The following RRN3 variants were observed in gnomAD, a reference collection of about 807,000 sequenced individuals.
The protein encoded by RRN3 is RNA polymerase I transcription factor RRN3, also known as RNA polymerase I-specific transcription initiation factor RRN3.
In RRN3, 38 loss-of-function variants were observed where a neutral mutation model predicts 82.3. The ratio of observed to expected loss-of-function variants is 0.46; its 90% CI spans 0.36 to 0.61. RRN3 has a LOEUF of 0.61. Ranked by LOEUF, RRN3 falls within the 20% of genes least tolerant of loss-of-function variation. RRN3 has a pLI of 0.00. For missense variants in RRN3, 726 were observed against 793.1 expected, an observed-to-expected ratio of 0.92 and a Z score of 1.02; for synonymous variants, 284 against 284.3, an observed-to-expected ratio of 1.00 and a Z score of 0.01.
rs185898520 is a variant in RRN3 at position 15,060,419 on chromosome 16, A to C, written c.*1325T>G. On this transcript the variant is annotated 3_prime_UTR_variant, in exon 18 of 18. Transcript: ENST00000198767. Reference sequence around the variant, plus strand: ...GAAATTCAAACTCTACATTGCCATCAATGTAATTATACAAGTGCATACAAA... The same window carrying C: ...GAAATTCAAACTCTACATTGCCATCCATGTAATTATACAAGTGCATACAAA... 193 of 177,740 alleles carry C rather than the reference A, an allele frequency of 1.1e-3. No homozygotes were observed. The highest frequency in any genetic ancestry group is 4.4e-3 in the African/African-American group (186 of 42,026). The allele number at this position is 177,740 out of a possible 1,614,324, so 11.0% of individuals were successfully genotyped here.
chr16:15,071,114 T>G lies in RRN3; in HGVS notation c.1259+7A>C. On this transcript the variant is annotated splice_region_variant and intron_variant, in intron 13 of 17. Coordinates refer to ENST00000198767, the MANE Select transcript of RRN3 (RefSeq NM_018427.5). The stretch of plus-strand genomic sequence containing the variant: ...TTAAAAAGTATTCGGAAAATTAGGC[T>G]ACTTACATAAGAGGAATAAATTTAG... The G allele has an allele frequency of 6.3e-7, 1 of 1,597,224 alleles. No individual in the cohort carries two copies. The highest frequency in any genetic ancestry group is 8.5e-7 in the Non-Finnish European group (1 of 1,173,804).
chr16:15,088,112 G>A (rs547816727), intron 3 of RRN3, among the ~76,000 whole-genome samples: 17 of 150,996 alleles, frequency 1.1e-4, no homozygotes, highest in South Asian at 8.3e-4. Context: ...GCAAAACTCC[G>A]TCTCAAAAAG....
In RRN3 at chr16:15,071,322, A is replaced by G. The variant is rs557444643; in HGVS notation, c.1129-71T>C. On this transcript the variant is annotated intron_variant, in intron 12 of 17. Coordinates refer to ENST00000198767, the MANE Select transcript of RRN3 (RefSeq NM_018427.5). ...ATAATCTGGCTATCAAAATCCCAAG[A>G]TTTTTACTTCACCAATGTAGGGAAA... is the stretch of plus-strand genomic sequence containing the variant. 9.9e-5 allele frequency: 142 copies of G among 1,431,164 alleles called. 1 individual carries two copies. The East Asian group carries it at 3.2e-3, about 32-fold the overall frequency. 88.7% of individuals were successfully genotyped at this position (1,431,164 alleles called of 1,614,324 possible).
intron 14 of RRN3, 139 bp from the exon 15 acceptor site, chr16:15,068,416 C>G: frequency 9.0e-7 from 1 of 1,116,824 alleles, no homozygotes; most frequent in Non-Finnish European, 1.2e-6. Flanking sequence ...AATAAAGGTC[C>G]ATGCAGATAG....
chr16:15,060,410 A>G lies in RRN3; in HGVS notation c.*1334T>C, dbSNP rs2044669487. 5.4e-6 allele frequency: 1 copy of G among 184,226 alleles called. No homozygotes were observed. Among genetic ancestry groups the G allele is most frequent in the African/African-American group, 2.4e-5 (1 of 42,022 alleles). 11.4% of individuals were successfully genotyped at this position (184,226 alleles called of 1,614,324 possible). On this transcript the variant is annotated 3_prime_UTR_variant, in exon 18 of 18. Coordinates refer to ENST00000198767, the MANE Select transcript of RRN3 (RefSeq NM_018427.5). Reference sequence around the variant, plus strand: ...TTACAGACTGAAATTCAAACTCTACATTGCCATCAATGTAATTATACAAGT... The same window carrying G: ...TTACAGACTGAAATTCAAACTCTACGTTGCCATCAATGTAATTATACAAGT...
chr16:15,064,741 C>T (rs2044883368), intron 16 of RRN3, among the ~76,000 whole-genome samples: 1 of 152,260 alleles, frequency 6.6e-6, no homozygotes, highest in Admixed American at 6.5e-5. Flanking sequence ...TCCTGCTAGG[C>T]ATCCTCTACT....
intron 3 of RRN3, among the ~76,000 whole-genome samples, chr16:15,086,731 C>T (rs1252000043): frequency 6.6e-6 from 1 of 152,186 alleles, no homozygotes; most frequent in Non-Finnish European, 1.5e-5. Flanking sequence ...AAAGCGAAAT[C>T]ACCTCAAATG....
At chr16:15,091,500 C>T (rs994249534) in intron 2 of RRN3, 129 bp from the exon 3 acceptor site, 44 of 663,260 alleles carry the variant, frequency 6.6e-5, no homozygotes, top group African/African-American at 5.0e-4. Context: ...ATGTCAATTG[C>T]GGATTATAAA....
intron 16 of RRN3, among the ~76,000 whole-genome samples, chr16:15,064,050 T>C (rs576163044): frequency 6.6e-6 from 1 of 152,360 alleles, no homozygotes; most frequent in African/African-American, 2.4e-5. Flanking sequence ...CAGATGGTCA[T>C]GATGCTGCTA....
At chr16:15,062,677 T>C (rs1046256087) in intron 17 of RRN3, among the ~76,000 whole-genome samples, 2 of 152,104 alleles carry the variant, frequency 1.3e-5, no homozygotes, top group Non-Finnish European at 2.9e-5. Context: ...TGTTACTTGG[T>C]AAGAATGCGC....
Position 15,091,182 on chromosome 16 carries a change from G to A in RRN3, c.252+133C>T. On this transcript the variant is annotated intron_variant, in intron 3 of 17. Transcript: ENST00000198767. ...AGGGGGTAAAACTGTCCCTGGTTGA[G>A]AACCACCAGATTAAAATAAGGGAGG... 3.1e-6 allele frequency: 3 copies of A among 979,968 alleles called. No individual in the cohort carries two copies. In the South Asian group the frequency reaches 5.2e-5, roughly 17 times the overall value. 60.7% of individuals were successfully genotyped at this position (979,968 alleles called of 1,614,324 possible). A position where few individuals can be genotyped will look rare whatever the true frequency, so the allele number is the denominator to read the frequency against.
chr16:15,086,339 T>G (rs527384490), intron 4 of RRN3, 26 bp downstream of exon 4: 80 of 1,613,016 alleles, frequency 5.0e-5, no homozygotes, highest in East Asian at 2.0e-4. Context: ...TTACATACTT[T>G]ACAGTAAAAT....
At position 15,060,673 on chromosome 16, in the gene RRN3, T is replaced by A. The variant is rs1211343189; in HGVS notation, c.*1071A>T. ...AGCGAGGTCTTCTGAAGACTTCCTC[T>A]GTTTAGTTATAAAAATACAAAAAGA... On this transcript the variant is annotated 3_prime_UTR_variant, in exon 18 of 18. Transcript: ENST00000198767. 6.6e-6 allele frequency: 1 copy of A among 152,400 alleles called. No individual in the cohort carries two copies. The highest frequency in any genetic ancestry group is 2.4e-5 in the African/African-American group (1 of 41,464). The allele number at this position is 152,400 out of a possible 1,614,324, so 9.4% of individuals were successfully genotyped here.
chr16:15,075,250 CA>C (rs56913254), intron 10 of RRN3, among the ~76,000 whole-genome samples: 290 of 68,032 alleles, frequency 4.3e-3, no homozygotes, highest in African/African-American at 8.8e-3. Flanking sequence ...TGTGCCCCAC[CA>C]AAAAAAAAAA....
intron 11 of RRN3, among the ~76,000 whole-genome samples, chr16:15,073,544 A>G (rs1597916742): frequency 6.6e-6 from 1 of 152,236 alleles, no homozygotes; most frequent in Non-Finnish European, 1.5e-5. Flanking sequence ...TCCTCTGAAT[A>G]TAATAATCTA....
At chr16:15,078,052 A>ACAAGAATGTACCACT (rs2045540657) in intron 9 of RRN3, among the ~76,000 whole-genome samples, 1 of 152,244 alleles carries the variant, frequency 6.6e-6, no homozygotes, top group African/African-American at 2.4e-5. Flanking sequence ...CCATTCAAAT[A>ACAAGAATGTACCACT]TCTTAACATA....
At chr16:15,071,007 T>G in intron 13 of RRN3, 114 bp downstream of exon 13, 1 of 856,692 alleles carries the variant, frequency 1.2e-6, no homozygotes, top group South Asian at 1.9e-5. Context: ...AGTAGGGATT[T>G]TATTCACTTT....
intron 16 of RRN3, among the ~76,000 whole-genome samples, chr16:15,064,445 G>A (rs1397832142): frequency 1.3e-5 from 2 of 152,158 alleles, no homozygotes; most frequent in East Asian, 3.8e-4. Flanking sequence ...AAAGTGCTGG[G>A]ATTACAGGCA....
chr16:15,077,228 C>G (rs1309842395), intron 9 of RRN3, among the ~76,000 whole-genome samples: 1 of 152,044 alleles, frequency 6.6e-6, no homozygotes, highest in Admixed American at 6.6e-5. Flanking sequence ...ATCCACCGGC[C>G]TCAGCTTCCC....
Sources: allele counts gnomAD v4.1 joint callset (sites outside exome capture counted in the v4.1 genomes callset), GRCh38; gene constraint gnomAD v4.1.1; transcripts MANE v1.5; gene names NCBI Gene and HGNC (gene_info 2026-07-23, HGNC 2026-07-21).